The following ABCB11 variants were observed in gnomAD, a reference collection of about 807,000 sequenced individuals.
The protein encoded by ABCB11 is bile salt export pump.
Under a neutral mutation model 148.0 loss-of-function variants are expected in ABCB11, and 95 were observed. The observed-to-expected ratio is 0.64, with a 90% CI of 0.54 to 0.76. The LOEUF (loss-of-function observed/expected upper bound fraction) is 0.76, where lower values mean the gene tolerates loss of function less well. Ranked by LOEUF, ABCB11 falls within the 30% of genes least tolerant of loss-of-function variation. The pLI is 0.00. For synonymous variants in ABCB11, 591 were observed against 555.4 expected (o/e 1.06, Z -0.90); for missense variants, 1,523 against 1,617.8 (o/e 0.94, Z 1.01).
intron 11 of ABCB11, among the ~76,000 whole-genome samples, chr2:168,979,379 C>T (rs981746587): frequency 1.3e-5 from 2 of 152,086 alleles, no homozygotes; most frequent in Admixed American, 6.6e-5. Context: ...CTGCCACCAC[C>T]ACCCAATTTA....
Position 168,970,181 on chromosome 2 carries a change from T to C in ABCB11, c.1673A>G (p.Gln558Arg). The change falls in exon 15 of 28, where the codon CAG becomes CGG. Residue 558 changes from glutamine (Q) to arginine (R), a missense_variant. Physicochemically the swap from Gln to Arg is conservative, Grantham distance 43 (BLOSUM62 1). Coordinates refer to ENST00000650372, the MANE Select transcript of ABCB11 (RefSeq NM_003742.4). Reference protein sequence around the residue: ...FDTLVGEGGGQMSGGQKQRVA... With the variant: ...FDTLVGEGGGRMSGGQKQRVA... Reference sequence around the variant, plus strand: ...CCTTTGTTTCTGGCCACCACTCATCTGGCCTCCTCCTTCTCCAACAAGGGT... The same window carrying C: ...CCTTTGTTTCTGGCCACCACTCATCCGGCCTCCTCCTTCTCCAACAAGGGT... 1 of 1,612,514 alleles carries C rather than the reference T, an allele frequency of 6.2e-7. No homozygotes were observed. Among genetic ancestry groups the C allele is most frequent in the Non-Finnish European group, 8.5e-7 (1 of 1,179,076 alleles).
At chr2:169,023,904 G>A (rs924944311) in intron 1 of ABCB11, among the ~76,000 whole-genome samples, 2 of 152,190 alleles carry the variant, frequency 1.3e-5, no homozygotes, top group Admixed American at 1.3e-4. Context: ...ATGGCATAGG[G>A]TTTAAGATAC....
chr2:169,021,656 G>T (rs1695542217), intron 1 of ABCB11, among the ~76,000 whole-genome samples: 1 of 151,808 alleles, frequency 6.6e-6, no homozygotes, highest in South Asian at 2.1e-4. Flanking sequence ...CTTAAAATTT[G>T]GTTGAACATT....
Position 169,026,073 on chromosome 2 carries a change from C to A in ABCB11, c.-28+5152G>T, listed in dbSNP as rs574339026. The stretch of plus-strand genomic sequence containing the variant: ...TGGTATTTTGTGGGTTGCACAGTGA[C>A]CTTGATTTTGCCTTTGCTGAGAACA... On this transcript the variant is annotated intron_variant, in intron 1 of 27. Transcript: ENST00000650372. 2.6e-5 allele frequency among the ~76,000 whole-genome samples: 4 copies of A among 152,284 alleles called. No homozygotes were observed. The East Asian group carries it at 7.7e-4, about 29-fold the overall frequency.
chr2:168,930,813 G>A lies in ABCB11; in HGVS notation c.3263C>T (p.Pro1088Leu), dbSNP rs1691536635. ...IDFVDCKFTY[P>L]SRPDSQVLNG... ...CAGAACTTGCGAGTCAGGTCGAGAA[G>A]GATATGTAAATTTACAATCAACAAA... Residue 1088 changes from proline to leucine, a missense_variant, in exon 25 of 28, where the codon CCT (proline) becomes CTT (leucine). Transcript: ENST00000650372. 1 of 1,611,750 alleles carries A rather than the reference G, an allele frequency of 6.2e-7. No homozygotes were observed. Among genetic ancestry groups the A allele is most frequent in the Non-Finnish European group, 8.5e-7 (1 of 1,179,006 alleles).
At chr2:169,014,707 A>C (rs1695301395) in intron 3 of ABCB11, among the ~76,000 whole-genome samples, 1 of 152,194 alleles carries the variant, frequency 6.6e-6, no homozygotes, top group South Asian at 2.1e-4. Context: ...CTCATGGGTA[A>C]GTTGAAGTGG....
chr2:168,928,698 C>T (rs1158816955), intron 25 of ABCB11, among the ~76,000 whole-genome samples: 3 of 152,114 alleles, frequency 2.0e-5, no homozygotes, highest in African/African-American at 7.2e-5. Flanking sequence ...GTTTCCTGTA[C>T]CTTGCATAGT....
intron 21 of ABCB11, among the ~76,000 whole-genome samples, chr2:168,940,393 T>C (rs549856374): frequency 1.9e-4 from 29 of 152,212 alleles, no homozygotes; most frequent in Admixed American, 6.6e-4. Context: ...TGAAGAAAGT[T>C]TGAATGGTCT....
chr2:168,986,001 G>T, intron 10 of ABCB11, 109 bp downstream of exon 10: 2 of 900,316 alleles, frequency 2.2e-6, no homozygotes, highest in Non-Finnish European at 3.1e-6. Flanking sequence ...TAAAATCATT[G>T]ATGCTTTTTT....
At chr2:168,961,680 G>A (rs2105941870) in intron 18 of ABCB11, among the ~76,000 whole-genome samples, 1 of 151,816 alleles carries the variant, frequency 6.6e-6, no homozygotes, top group South Asian at 2.1e-4. Flanking sequence ...CCGTTTACAG[G>A]AGCTAAGAGT....
At chr2:168,984,291 T>C (rs771556861) in intron 10 of ABCB11, among the ~76,000 whole-genome samples, 2 of 152,172 alleles carry the variant, frequency 1.3e-5, no homozygotes, top group African/African-American at 2.4e-5. Flanking sequence ...TACTTATTTA[T>C]TGCTTGTCTT....
chr2:168,972,038 C>T lies in ABCB11; in HGVS notation c.1447G>A (p.Gly483Ser), dbSNP rs1336948664. 1.9e-6 allele frequency: 3 copies of T among 1,612,466 alleles called. No individual in the cohort carries two copies. The highest frequency in any genetic ancestry group is 1.1e-5 in the South Asian group (1 of 91,018). ...DPCEGMVTVDGHDIRSLNIQW... is the reference protein window; with the variant it reads ...DPCEGMVTVDSHDIRSLNIQW... ...ATGTTAAGAGAGCGAATGTCATGGC[C>T]ATCCACGGTCACCTAGAGAGCATGG... The change falls in exon 14 of 28, where the codon GGC (glycine) becomes AGC (serine). Residue 483 changes from glycine to serine, a missense_variant. Physicochemically the swap from Gly to Ser is moderately conservative, Grantham distance 56. Coordinates refer to ENST00000650372, the MANE Select transcript of ABCB11 (RefSeq NM_003742.4).
At chr2:168,931,443 C>T (rs1047560828) in intron 24 of ABCB11, among the ~76,000 whole-genome samples, 2 of 152,184 alleles carry the variant, frequency 1.3e-5, no homozygotes, top group African/African-American at 2.4e-5. Flanking sequence ...TTTAGCTTAG[C>T]TTTACTAGTG....
At chr2:168,992,662 C>T (rs1303670831) in intron 8 of ABCB11, among the ~76,000 whole-genome samples, 3 of 152,028 alleles carry the variant, frequency 2.0e-5, no homozygotes, top group African/African-American at 7.2e-5. Context: ...ATTTTAAAGA[C>T]AAGGAAACTG....
chr2:168,927,319 A>T lies in ABCB11; in HGVS notation c.3455T>A (p.Leu1152His). The change falls in exon 26 of 28, where the codon CTC becomes CAC. Residue 1152 changes from leucine to histidine, a missense_variant. By Grantham distance (99) the Leu-to-His change is moderately conservative (BLOSUM62 -3). Coordinates refer to ENST00000650372, the MANE Select transcript of ABCB11 (RefSeq NM_003742.4). ...HDSKKVNVQFLRSNIGIVSQE... is the reference protein window; with the variant it reads ...HDSKKVNVQFHRSNIGIVSQE... ...GGAAACAATTCCAATGTTTGAGCGG[A>T]GGAACTGGACATTTACTTTTTTGCT... 1 of 1,613,912 alleles carries T rather than the reference A, an allele frequency of 6.2e-7. No individual in the cohort carries two copies. The highest frequency in any genetic ancestry group is 8.5e-7 in the Non-Finnish European group (1 of 1,179,816).
chr2:169,020,853 ATTGAATAC>A (rs1248052239), intron 1 of ABCB11, among the ~76,000 whole-genome samples: 7 of 152,172 alleles, frequency 4.6e-5, no homozygotes, highest in Non-Finnish European at 8.8e-5. Context: ...ATTGAAAACC[ATTGAATAC>A]TTTACATAGG....
intron 8 of ABCB11, among the ~76,000 whole-genome samples, chr2:168,993,422 G>C (rs376161772): frequency 1.2e-4 from 18 of 152,126 alleles, no homozygotes; most frequent in African/African-American, 4.1e-4. Context: ...TAAGATTGTT[G>C]TAAAGATTAG....
Position 168,927,271 on chromosome 2 carries a change from C to T in ABCB11, c.3503G>A (p.Cys1168Tyr), listed in dbSNP as rs755163960. ...ATACTTGATATTGTCCATTATGCTA[C>T]AGGCAAACAACACTGGTTCCTGGGA... Reference protein sequence around the residue: ...IVSQEPVLFACSIMDNIKYGD... With the variant: ...IVSQEPVLFAYSIMDNIKYGD... Residue 1168 changes from cysteine to tyrosine, a missense_variant, in exon 26 of 28, where the codon TGT becomes TAT. Physicochemically the swap from Cys to Tyr is radical, Grantham distance 194 (BLOSUM62 -2). Transcript: ENST00000650372. 1 of 1,613,884 alleles carries T rather than the reference C, an allele frequency of 6.2e-7. No individual in the cohort carries two copies. Among genetic ancestry groups the T allele is most frequent in the South Asian group, 1.1e-5 (1 of 91,070 alleles).
chr2:168,984,429 A>C (rs1322749522), intron 10 of ABCB11, among the ~76,000 whole-genome samples: 1 of 152,162 alleles, frequency 6.6e-6, no homozygotes, highest in Non-Finnish European at 1.5e-5. Context: ...CTGAATAATT[A>C]CTTATTGAAT....
Sources: allele counts gnomAD v4.1 joint callset (sites outside exome capture counted in the v4.1 genomes callset), GRCh38; gene constraint gnomAD v4.1.1; transcripts MANE v1.5; gene names NCBI Gene and HGNC (gene_info 2026-07-23, HGNC 2026-07-21).